Variants in MTBP observed in about 807,000 individuals in gnomAD.
MTBP encodes mdm2-binding protein.
MTBP carries 101 observed loss-of-function variants against 117.0 expected under a neutral mutation model. That is an observed-to-expected ratio of 0.86 (90% CI 0.73 to 1.02). The LOEUF (loss-of-function observed/expected upper bound fraction) is 1.02, where lower values mean the gene tolerates loss of function less well. MTBP is among the 50% of genes least tolerant of loss of function. The pLI, the probability that MTBP is intolerant of heterozygous loss-of-function variation, is 0.00. For synonymous variants in MTBP, 350 were observed against 351.5 expected, an observed-to-expected ratio of 1.00 and a Z score of 0.05; for missense variants, 970 against 1,030.9, an observed-to-expected ratio of 0.94 and a Z score of 0.81.
chr8:120,460,923 C>A lies in MTBP; in HGVS notation c.883-238C>A, dbSNP rs146658429. Among the ~76,000 whole-genome samples, 3 of 152,274 alleles carry A rather than the reference C, an allele frequency of 2.0e-5. No homozygotes were observed. In the East Asian group the frequency reaches 5.8e-4, roughly 29 times the overall value. On this transcript the variant is annotated intron_variant, in intron 8 of 21. Coordinates refer to ENST00000305949, the MANE Select transcript of MTBP (RefSeq NM_022045.5). The stretch of plus-strand genomic sequence containing the variant: ...GCTTACCTCTTCCCATACTTATTTT[C>A]TCCTGTGAAAGCTCTTCCTGGTTAC...
chr8:120,446,657 A>G, intron 2 of MTBP, 144 bp downstream of exon 2: 1 of 538,622 alleles, frequency 1.9e-6, no homozygotes, highest in Admixed American at 3.0e-5. Flanking sequence ...AGGGAGTACA[A>G]AACTGAAAAA....
At chr8:120,477,395 GA>G (rs1294722545) in intron 11 of MTBP, among the ~76,000 whole-genome samples, 1 of 152,132 alleles carries the variant, frequency 6.6e-6, no homozygotes, top group African/African-American at 2.4e-5. Flanking sequence ...AGCCAAAATT[GA>G]CTAATAGGAT....
intron 6 of MTBP, 105 bp from the exon 7 acceptor site, chr8:120,456,448 A>C (rs1586939244): frequency 1.5e-6 from 1 of 648,842 alleles, no homozygotes; most frequent in East Asian, 2.7e-5. Flanking sequence ...AAATACAGCA[A>C]TATAAATTTT....
At chr8:120,457,546 T>G (rs1317278215) in intron 7 of MTBP, among the ~76,000 whole-genome samples, 3 of 152,198 alleles carry the variant, frequency 2.0e-5, no homozygotes, top group Non-Finnish European at 4.4e-5. Context: ...TTTGTCTTGT[T>G]GATTTGCATG....
At chr8:120,518,202 A>G in intron 19 of MTBP, 102 bp downstream of exon 19, 3 of 1,291,570 alleles carry the variant, frequency 2.3e-6, no homozygotes, top group Non-Finnish European at 3.1e-6. Flanking sequence ...ATGAAATGAA[A>G]CGATGTCTAG....
chr8:120,454,322 A>G (rs1813424092), intron 5 of MTBP, among the ~76,000 whole-genome samples: 1 of 152,108 alleles, frequency 6.6e-6, no homozygotes, highest in Admixed American at 6.5e-5. Context: ...ATGCATTGTC[A>G]AATGGAATGT....
intron 11 of MTBP, among the ~76,000 whole-genome samples, chr8:120,481,744 T>G (rs1814088910): frequency 6.6e-6 from 1 of 152,192 alleles, no homozygotes; most frequent in South Asian, 2.1e-4. Flanking sequence ...TTTGTTAAAG[T>G]TAGACTTTAA....
chr8:120,480,542 A>C (rs1434917835), intron 11 of MTBP, among the ~76,000 whole-genome samples: 1 of 152,254 alleles, frequency 6.6e-6, no homozygotes, highest in African/African-American at 2.4e-5. Flanking sequence ...CTCATGACTT[A>C]TTATAAAGCC....
chr8:120,496,369 C>G (rs890729321), intron 13 of MTBP, among the ~76,000 whole-genome samples: 24 of 152,156 alleles, frequency 1.6e-4, no homozygotes, highest in African/African-American at 5.1e-4. Context: ...TCTGGAGATT[C>G]TTTTGTTTCC....
At chr8:120,496,920 C>T (rs1448050755) in intron 13 of MTBP, among the ~76,000 whole-genome samples, 3 of 152,122 alleles carry the variant, frequency 2.0e-5, no homozygotes, top group Non-Finnish European at 4.4e-5. Flanking sequence ...CGTTACCACT[C>T]GGTCATTTAT....
chr8:120,460,915 C>T (rs566140573), intron 8 of MTBP, among the ~76,000 whole-genome samples: 2 of 152,258 alleles, frequency 1.3e-5, no homozygotes, highest in South Asian at 2.1e-4. Flanking sequence ...TCTTCCCATA[C>T]TTATTTTCTC....
chr8:120,519,309 T>C (rs1376669514), intron 20 of MTBP, among the ~76,000 whole-genome samples: 2 of 151,956 alleles, frequency 1.3e-5, no homozygotes, highest in Non-Finnish European at 1.5e-5. Flanking sequence ...CGACTGTCAG[T>C]GGATTTTGGT....
intron 11 of MTBP, among the ~76,000 whole-genome samples, chr8:120,486,893 T>A (rs1205552903): frequency 1.3e-5 from 2 of 152,234 alleles, no homozygotes; most frequent in African/African-American, 4.8e-5. Flanking sequence ...CCTGAATAAA[T>A]GTTTCTTAAT....
chr8:120,475,144 C>G (rs1006078378), intron 11 of MTBP, among the ~76,000 whole-genome samples: 2 of 151,874 alleles, frequency 1.3e-5, no homozygotes, highest in African/African-American at 4.8e-5. Context: ...ATGACTAGTT[C>G]CTAATTTTTT....
At chr8:120,516,293 T>C in intron 18 of MTBP, 102 bp downstream of exon 18, 4 of 1,065,832 alleles carry the variant, frequency 3.8e-6, no homozygotes, top group Non-Finnish European at 5.2e-6. Flanking sequence ...AATTTCTTCA[T>C]GGCAAGAAGT....
intron 10 of MTBP, among the ~76,000 whole-genome samples, chr8:120,468,582 G>A (rs898118195): frequency 1.3e-5 from 2 of 152,116 alleles, no homozygotes; most frequent in Non-Finnish European, 2.9e-5. Flanking sequence ...GATGGATGAG[G>A]CAAAACTTTG....
At chr8:120,493,596 T>A (rs1319620210) in intron 13 of MTBP, among the ~76,000 whole-genome samples, 1 of 152,060 alleles carries the variant, frequency 6.6e-6, no homozygotes, top group Non-Finnish European at 1.5e-5. Flanking sequence ...GTTCAAGTGA[T>A]TCTTGTTCTT....
chr8:120,514,766 T>C (rs1814887334), intron 17 of MTBP, among the ~76,000 whole-genome samples: 1 of 152,102 alleles, frequency 6.6e-6, no homozygotes, highest in Non-Finnish European at 1.5e-5. Flanking sequence ...CCTGTTTGCA[T>C]GTTTCAGGCA....
In MTBP at chr8:120,523,280, T is replaced by A. The variant is rs1198922416; in HGVS notation, c.2677-18T>A. ...TTTCAAGAGAAATCTTCTGTAATCA[T>A]ATTTTTTCTCCCCCTAGGTGATTGA... On this transcript the variant is annotated intron_variant, in intron 21 of 21. Transcript: ENST00000305949. 2.6e-6 allele frequency: 4 copies of A among 1,509,712 alleles called. No homozygotes were observed. The highest frequency in any genetic ancestry group is 1.7e-4 in the Middle Eastern group (1 of 5,812). 93.5% of individuals were successfully genotyped at this position (1,509,712 alleles called of 1,614,324 possible).
Sources: gnomAD v4.1 joint callset for allele counts (sites outside exome capture counted in the v4.1 genomes callset) on GRCh38, gnomAD v4.1.1 for gene constraint, MANE v1.5 for transcripts, NCBI Gene and HGNC (gene_info 2026-07-23, HGNC 2026-07-21) for gene names.